GNS: variants seen among roughly 807,000 people sequenced by gnomAD.
GNS encodes N-acetylglucosamine-6-sulfatase.
A neutral mutation model predicts 69.7 loss-of-function variants in GNS; 40 were observed. The ratio of observed to expected loss-of-function variants is 0.57; its 90% CI spans 0.45 to 0.75. GNS has a LOEUF of 0.75. GNS is among the 30% of genes least tolerant of loss of function. The pLI is 0.00. For missense variants in GNS, 565 were observed against 685.5 expected (o/e 0.82, Z 1.96); for synonymous variants, 243 against 251.6 (o/e 0.97, Z 0.32).
chr12:64,742,203 G>A (rs1046758880), intron 6 of GNS, among the ~76,000 whole-genome samples: 2 of 152,084 alleles, frequency 1.3e-5, no homozygotes, highest in Non-Finnish European at 2.9e-5. Context: ...TGTACTTTTA[G>A]TAGAGATGGG....
At chr12:64,740,481 C>A in intron 7 of GNS, 125 bp downstream of exon 7, 1 of 729,280 alleles carries the variant, frequency 1.4e-6, no homozygotes. Flanking sequence ...CGAAGCCTCT[C>A]TCCCACTGAC....
intron 9 of GNS, among the ~76,000 whole-genome samples, chr12:64,729,439 T>C (rs1869315228): frequency 6.6e-6 from 1 of 152,230 alleles, no homozygotes; most frequent in African/African-American, 2.4e-5. Flanking sequence ...TTAACTAAGT[T>C]TGATTTCAAA....
intron 8 of GNS, among the ~76,000 whole-genome samples, chr12:64,738,240 C>T (rs570389292): frequency 1.3e-5 from 2 of 152,118 alleles, no homozygotes; most frequent in Admixed American, 6.5e-5. Context: ...GAACTCCTGG[C>T]CTCAGGTGAT....
intron 9 of GNS, among the ~76,000 whole-genome samples, chr12:64,735,937 A>G (rs1010476050): frequency 4.0e-4 from 61 of 152,256 alleles, no homozygotes; most frequent in African/African-American, 1.4e-3. Flanking sequence ...TTTAAAAGGA[A>G]ATAAGTGAAA....
intron 6 of GNS, among the ~76,000 whole-genome samples, chr12:64,742,300 A>G (rs147812934): frequency 0.028 from 4,203 of 152,306 alleles, 71 homozygotes; most frequent in Middle Eastern, 0.075. Flanking sequence ...GATTACAGGC[A>G]TGAGCCACTG....
intron 10 of GNS, among the ~76,000 whole-genome samples, chr12:64,726,339 A>T (rs917814048): frequency 6.6e-6 from 1 of 152,156 alleles, no homozygotes; most frequent in African/African-American, 2.4e-5. Flanking sequence ...AGAGAAAAAA[A>T]AAAAGAAACT....
intron 11 of GNS, chr12:64,722,726 G>C: frequency 7.3e-6 from 3 of 411,394 alleles, no homozygotes; most frequent in South Asian, 6.6e-5. Context: ...CTGTTATTGG[G>C]AGGGGTAGAA....
chr12:64,747,747 A>G lies in GNS; in HGVS notation c.424T>C (p.Tyr142His), dbSNP rs370936759. Residue 142 changes from tyrosine (Y) to histidine (H), a missense_variant, in exon 3 of 14, where the codon TAT becomes CAT. Around this residue, in one of 2 missense-constraint regions of GNS, gnomAD observed 384 missense variants for 511.0 expected, o/e 0.75. Coordinates refer to ENST00000258145, the MANE Select transcript of GNS (RefSeq NM_002076.4). ...TATTTCCCTGCAAAAAAGGTCTGAT[A>G]ACCACACATTGATCTGAGAATTGCT... ...FPAILRSMCG[Y>H]QTFFAGKYLN... 6.2e-7 allele frequency: 1 copy of G among 1,611,244 alleles called. No individual in the cohort carries two copies.
chr12:64,733,394 C>T (rs1320685674), intron 9 of GNS, among the ~76,000 whole-genome samples: 1 of 147,478 alleles, frequency 6.8e-6, no homozygotes, highest in Non-Finnish European at 1.5e-5. Context: ...GAAAGAATGA[C>T]ACTTGCATAA....
chr12:64,733,830 A>G (rs1206303054), intron 9 of GNS, among the ~76,000 whole-genome samples: 1 of 152,218 alleles, frequency 6.6e-6, no homozygotes, highest in Non-Finnish European at 1.5e-5. Context: ...CCTTTTTAGA[A>G]TTCCTTTTGC....
rs530129994 is a variant in GNS at position 64,747,629 on chromosome 12, T to C, written c.459+83A>G. Reference sequence around the variant, plus strand: ...ACGTATACCAAGAAATCCTTTAACATTAATTGAAATAATAAAATTAACATG... The same window carrying C: ...ACGTATACCAAGAAATCCTTTAACACTAATTGAAATAATAAAATTAACATG... On this transcript the variant is annotated intron_variant, in intron 3 of 13. Transcript: ENST00000258145. The C allele has an allele frequency of 1.9e-5, 16 of 838,558 alleles. No homozygotes were observed. In the South Asian group the frequency reaches 2.0e-4, roughly 11 times the overall value. The allele number at this position is 838,558 out of a possible 1,614,324, so 51.9% of individuals were successfully genotyped here. A position where few individuals can be genotyped will look rare whatever the true frequency, so the allele number is the denominator to read the frequency against.
At position 64,737,001 on chromosome 12, in the gene GNS, T is replaced by C. The variant is rs1303967000; in HGVS notation, c.1098+3A>G. 1 of 1,470,638 alleles carries C rather than the reference T, an allele frequency of 6.8e-7. No individual in the cohort carries two copies. Among genetic ancestry groups the C allele is most frequent in the Admixed American group, 1.7e-5 (1 of 59,836 alleles). 91.1% of individuals were successfully genotyped at this position (1,470,638 alleles called of 1,614,324 possible). On this transcript the variant is annotated splice_donor_region_variant and intron_variant, in intron 9 of 13. Coordinates refer to ENST00000258145, the MANE Select transcript of GNS (RefSeq NM_002076.4). ...CCACAGCACCAGCTTGTCAGGCACC[T>C]ACCTTGCTTGTCTGATTTGGTTTGA...
In GNS at chr12:64,737,606, G is replaced by A. The variant is rs139838783; in HGVS notation, c.995-499C>T. On this transcript the variant is annotated intron_variant, in intron 8 of 13. Coordinates refer to ENST00000258145, the MANE Select transcript of GNS (RefSeq NM_002076.4). ...AATCAATATTTTGCAGTTTCTGAGG[G>A]AATAATGAATTTAGGCAGCAATCAT... Among the ~76,000 whole-genome samples, 323 of 152,298 alleles carry A rather than the reference G, an allele frequency of 2.1e-3. 1 individual carries two copies. Among genetic ancestry groups the A allele is most frequent in the Non-Finnish European group, 4.2e-3 (285 of 68,030 alleles).
intron 6 of GNS, among the ~76,000 whole-genome samples, chr12:64,742,326 C>G (rs912297546): frequency 6.6e-6 from 1 of 152,198 alleles, no homozygotes; most frequent in African/African-American, 2.4e-5. Flanking sequence ...GGCCAGTACT[C>G]TAATTTAAAA....
chr12:64,749,910 C>CT (rs1870023483), intron 2 of GNS, among the ~76,000 whole-genome samples: 1 of 135,346 alleles, frequency 7.4e-6, no homozygotes, highest in African/African-American at 2.8e-5. Flanking sequence ...GGGTCTTACT[C>CT]TGTCACCGAG....
chr12:64,756,522 C>T, intron 1 of GNS: 1 of 534,706 alleles, frequency 1.9e-6, no homozygotes, highest in Non-Finnish European at 3.3e-6. Context: ...TCATAAGATA[C>T]CCAGGCTTTG....
rs1462375667 is a variant in GNS at position 64,715,132 on chromosome 12, TTCCTCC to T, written c.*1603_*1608del. On this transcript the variant is annotated 3_prime_UTR_variant, in exon 14 of 14. Coordinates refer to ENST00000258145, the MANE Select transcript of GNS (RefSeq NM_002076.4). ...TTGAACAAGTTACAAACCACAGCTC[TTCCTCC>T]TCCCCTGCTGTCTCACCACCAATTA... 3 of 152,642 alleles carry T rather than the reference TTCCTCC, an allele frequency of 2.0e-5. No individual in the cohort carries two copies. Among genetic ancestry groups the T allele is most frequent in the African/African-American group, 7.2e-5 (3 of 41,464 alleles). 9.5% of individuals were successfully genotyped at this position (152,642 alleles called of 1,614,324 possible).
intron 9 of GNS, among the ~76,000 whole-genome samples, chr12:64,730,626 TG>T (rs905595831): frequency 1.5e-4 from 23 of 152,054 alleles, no homozygotes; most frequent in African/African-American, 5.3e-4. Context: ...TGTTACTCAG[TG>T]GGGGAAAAAC....
At position 64,747,836 on chromosome 12, in the gene GNS, T is replaced by C. The variant is rs1869943305; in HGVS notation, c.335A>G (p.Asn112Ser). The C allele has an allele frequency of 1.2e-6, 2 of 1,609,300 alleles. No individual in the cohort carries two copies. Among genetic ancestry groups the C allele is most frequent in the Non-Finnish European group, 1.7e-6 (2 of 1,175,544 alleles). The change falls in exon 3 of 14, where the codon AAC becomes AGC. Residue 112 changes from asparagine (N) to serine (S), a missense_variant. Coordinates refer to ENST00000258145, the MANE Select transcript of GNS (RefSeq NM_002076.4). ...ACTACTGCAGTTCCCCTCCAGAGTG[T>C]TGTTCACAACGTGATGATTATGTGG... ...KYPHNHHVVN[N>S]TLEGNCSSKS... is the part of the protein sequence containing the mutation.
Sources: allele counts gnomAD v4.1 joint callset (sites outside exome capture counted in the v4.1 genomes callset), GRCh38; gene constraint gnomAD v4.1.1; regional missense constraint gnomAD v4.1.1; transcripts MANE v1.5; gene names NCBI Gene and HGNC (gene_info 2026-07-23, HGNC 2026-07-21).